IL1RAPL2: variants seen among roughly 807,000 people sequenced by gnomAD.
IL1RAPL2 encodes interleukin 1 receptor accessory protein like 2.
In IL1RAPL2, 3 loss-of-function variants were observed where a neutral mutation model predicts 44.1. The observed-to-expected ratio is 0.07, with a 90% CI of 0.03 to 0.18. The LOEUF is 0.18. IL1RAPL2 is among the 10% of genes least tolerant of loss of function. The pLI is 1.00. For synonymous variants in IL1RAPL2, 181 were observed against 178.8 expected, an observed-to-expected ratio of 1.01 and a Z score of -0.10; for missense variants, 391 against 496.4, an observed-to-expected ratio of 0.79 and a Z score of 2.02.
intron 5 of IL1RAPL2, among the ~76,000 whole-genome samples, chrX:105,475,115 A>C (rs2036189261): frequency 8.9e-6 from 1 of 111,883 alleles, no homozygotes; most frequent in Non-Finnish European, 1.9e-5. Flanking sequence ...ATAAATGTAA[A>C]AGGGCTTGGC....
intron 10 of IL1RAPL2, among the ~76,000 whole-genome samples, chrX:105,764,006 C>T (rs1259292048): frequency 9.0e-6 from 1 of 111,593 alleles, no homozygotes; most frequent in African/African-American, 3.3e-5. Context: ...ATACATAGGG[C>T]AAACCAGGAT....
intron 5 of IL1RAPL2, among the ~76,000 whole-genome samples, chrX:105,401,104 G>T (rs1047898639): frequency 9.0e-5 from 10 of 111,393 alleles, no homozygotes; most frequent in Admixed American, 6.7e-4. Context: ...TTATAATGGC[G>T]TTAATCTCAC....
chrX:104,745,923 T>C (rs1314229699), intron 2 of IL1RAPL2, among the ~76,000 whole-genome samples: 1 of 111,749 alleles, frequency 8.9e-6, no homozygotes, highest in Admixed American at 9.5e-5. Context: ...ATTTTACACC[T>C]AGCATGGTGT....
At chrX:104,879,597 T>C (rs772963644) in intron 2 of IL1RAPL2, among the ~76,000 whole-genome samples, 15 of 111,634 alleles carry the variant, frequency 1.3e-4, no homozygotes, top group Admixed American at 1.9e-4. Flanking sequence ...TCCTTTGCTG[T>C]AGTATATACA....
At chrX:105,741,491 G>A (rs1459463640) in intron 8 of IL1RAPL2, among the ~76,000 whole-genome samples, 2 of 111,521 alleles carry the variant, frequency 1.8e-5, no homozygotes, top group African/African-American at 3.3e-5. Context: ...TGTTGCCCAC[G>A]TTTTAGAGCA....
At chrX:105,024,936 T>G (rs1467938631) in intron 2 of IL1RAPL2, among the ~76,000 whole-genome samples, 1 of 110,503 alleles carries the variant, frequency 9.0e-6, no homozygotes, top group Admixed American at 9.7e-5. Flanking sequence ...TTTTTTTTTT[T>G]TGGATAGAAA....
intron 2 of IL1RAPL2, among the ~76,000 whole-genome samples, chrX:104,859,245 A>G (rs1252070196): frequency 3.6e-5 from 4 of 111,532 alleles, no homozygotes; most frequent in Non-Finnish European, 5.7e-5. Context: ...TTTTCTGGGT[A>G]CAGGAAGACC....
At chrX:105,294,727 C>G (rs759650192) in intron 5 of IL1RAPL2, among the ~76,000 whole-genome samples, 1 of 111,888 alleles carries the variant, frequency 8.9e-6, no homozygotes, top group Admixed American at 9.5e-5. Context: ...GATGTAATAC[C>G]TTTTTCCAGG....
intron 4 of IL1RAPL2, among the ~76,000 whole-genome samples, chrX:105,256,484 G>A (rs759383124): frequency 6.4e-5 from 7 of 109,243 alleles, no homozygotes; most frequent in Admixed American, 2.0e-4. Context: ...GCCTGCCACC[G>A]CACCCAGCTA....
At chrX:105,075,591 TG>T (rs2032283816) in intron 2 of IL1RAPL2, among the ~76,000 whole-genome samples, 1 of 112,132 alleles carries the variant, frequency 8.9e-6, no homozygotes, top group African/African-American at 3.2e-5. Flanking sequence ...CTTTTTCTAT[TG>T]ATTGGAATAG....
At chrX:104,925,967 C>A (rs921094224) in intron 2 of IL1RAPL2, among the ~76,000 whole-genome samples, 1 of 112,136 alleles carries the variant, frequency 8.9e-6, no homozygotes, top group African/African-American at 3.2e-5. Context: ...CCCAAAAACT[C>A]CTTTAGCTGA....
intron 2 of IL1RAPL2, among the ~76,000 whole-genome samples, chrX:105,105,539 C>T (rs187128323): frequency 7.1e-5 from 8 of 112,396 alleles, no homozygotes; most frequent in Admixed American, 5.7e-4. Context: ...CTTTACTACC[C>T]GTTGGGCTCG....
At chrX:105,373,980 A>G (rs1218425187) in intron 5 of IL1RAPL2, among the ~76,000 whole-genome samples, 3 of 109,412 alleles carry the variant, frequency 2.7e-5, no homozygotes, top group Non-Finnish European at 5.7e-5. Context: ...TTAGCCAGGC[A>G]TAGTAGCACA....
At chrX:104,611,612 C>G (rs1929160452) in intron 1 of IL1RAPL2, among the ~76,000 whole-genome samples, 1 of 110,063 alleles carries the variant, frequency 9.1e-6, no homozygotes, top group African/African-American at 3.3e-5. Context: ...CTGAGGCGGA[C>G]AGATCACAAG....
At chrX:105,296,923 G>A (rs2034658165) in intron 5 of IL1RAPL2, among the ~76,000 whole-genome samples, 1 of 112,266 alleles carries the variant, frequency 8.9e-6, no homozygotes, top group African/African-American at 3.2e-5. Context: ...CCTTACTGGG[G>A]ATATAGCAAT....
At chrX:105,016,861 G>C (rs1298860522) in intron 2 of IL1RAPL2, among the ~76,000 whole-genome samples, 1 of 111,194 alleles carries the variant, frequency 9.0e-6, no homozygotes, top group African/African-American at 3.3e-5. Context: ...CTCTCTTTCT[G>C]TTGTTTGGAA....
chrX:104,907,958 C>A (rs1024079013), intron 2 of IL1RAPL2, among the ~76,000 whole-genome samples: 99 of 109,848 alleles, frequency 9.0e-4, no homozygotes, highest in Non-Finnish European at 1.7e-3. Flanking sequence ...GTAGGTCACT[C>A]AGGACTTGCT....
At chrX:104,620,322 A>G (rs1381885848) in intron 1 of IL1RAPL2, among the ~76,000 whole-genome samples, 1 of 95,946 alleles carries the variant, frequency 1.0e-5, no homozygotes, top group East Asian at 4.0e-4. Context: ...CCCCAAAACT[A>G]TTGAAATACA....
At chrX:105,742,181 A>T (rs770690291) in intron 8 of IL1RAPL2, among the ~76,000 whole-genome samples, 1 of 111,150 alleles carries the variant, frequency 9.0e-6, no homozygotes, top group African/African-American at 3.3e-5. Context: ...TAAATGGCTA[A>T]TTTTTTCTTT....
Sources: gnomAD v4.1 joint callset for allele counts (sites outside exome capture counted in the v4.1 genomes callset) on GRCh38, gnomAD v4.1.1 for gene constraint, MANE v1.5 for transcripts, NCBI Gene and HGNC (gene_info 2026-07-23, HGNC 2026-07-21) for gene names.